Variants in GPR84 observed in about 807,000 individuals in gnomAD.
GPR84 encodes the protein G-protein coupled receptor 84.
A neutral mutation model predicts 14.9 loss-of-function variants in GPR84; 8 were observed. The ratio of observed to expected loss-of-function variants is 0.54; its 90% confidence interval spans 0.31 to 0.97. The LOEUF (loss-of-function observed/expected upper bound fraction) is 0.97, where lower values mean the gene tolerates loss of function less well. GPR84 is among the 50% of genes least tolerant of loss of function. GPR84 has a pLI of 0.04. For missense variants in GPR84, 424 were observed against 498.7 expected, an observed-to-expected ratio of 0.85 and a Z score of 1.43; for synonymous variants, 164 against 198.1, an observed-to-expected ratio of 0.83 and a Z score of 1.45.
intron 1 of GPR84, 178 bp downstream of exon 1, chr12:54,364,215 A>T (rs1472456019): frequency 5.5e-6 from 1 of 182,072 alleles, no homozygotes. Flanking sequence ...ATCCCCAAAG[A>T]CCCCCAGGAG....
Position 54,362,894 on chromosome 12 carries a change from T to C in GPR84, c.958A>G (p.Met320Val), listed in dbSNP as rs1486816137. The change falls in exon 2 of 2, where the codon ATG becomes GTG. Residue 320 changes from methionine (M) to valine (V), a missense_variant. Coordinates refer to ENST00000267015, the MANE Select transcript of GPR84 (RefSeq NM_020370.3). This position sits in a 1 kb window ranked among gnomAD's most constrained non-coding sequence, Gnocchi z 4.0. Reference sequence around the variant, plus strand: ...AAGCAGAGGAACACAGCAAAACACATTCGAGTCACCTTCCCAAATTCCGAT... The same window carrying C: ...AAGCAGAGGAACACAGCAAAACACACTCGAGTCACCTTCCCAAATTCCGAT... ...SSSEFGKVTR[M>V]CFAVFLCFAL... 4.3e-6 allele frequency: 7 copies of C among 1,614,060 alleles called. No homozygotes were observed. The African/African-American group carries it at 8.0e-5, about 18-fold the overall frequency.
chr12:54,358,753 A>T (rs149193372), downstream of GPR84, among the ~76,000 whole-genome samples: 222 of 151,668 alleles, frequency 1.5e-3, 1 homozygote, highest in African/African-American at 5.2e-3. Context: ...TCTTGGACAA[A>T]TTACCCAACC....
the GPR84 span, chr12:54,353,737 G>A: frequency 2.6e-5 from 4 of 152,340 alleles, no homozygotes; most frequent in Non-Finnish European, 4.4e-5. Context: ...ACCCATGGGA[G>A]AGTACATCAG....
Position 54,362,546 on chromosome 12 carries a change from G to C in GPR84, c.*115C>G, listed in dbSNP as rs889796023. The C allele has an allele frequency of 1.4e-6, 1 of 701,598 alleles. No homozygotes were observed. The highest frequency in any genetic ancestry group is 2.5e-6 in the Non-Finnish European group (1 of 394,464). 43.5% of individuals were successfully genotyped at this position (701,598 alleles called of 1,614,324 possible). On this transcript the variant is annotated 3_prime_UTR_variant, in exon 2 of 2. Coordinates refer to ENST00000267015, the MANE Select transcript of GPR84 (RefSeq NM_020370.3). This position sits in a 1 kb window ranked among gnomAD's most constrained non-coding sequence, Gnocchi z 4.0. ...ATGGAGAGACTTGATTTGGGAGGCT[G>C]GGGAGAGATTGTTGTGAAAATGCCC...
chr12:54,357,632 G>T (rs1954224053), downstream of GPR84, among the ~76,000 whole-genome samples: 1 of 152,210 alleles, frequency 6.6e-6, no homozygotes, highest in Non-Finnish European at 1.5e-5. Context: ...CCTAGGAGAT[G>T]CCCTGAGCCC....
Position 54,363,115 on chromosome 12 carries a change from G to A in GPR84, c.737C>T (p.Ala246Val). 1 of 1,614,188 alleles carries A rather than the reference G, an allele frequency of 6.2e-7. No homozygotes were observed. The highest frequency in any genetic ancestry group is 1.1e-5 in the South Asian group (1 of 91,086). The change falls in exon 2 of 2, where the codon GCA (alanine) becomes GTA (valine). Residue 246 changes from alanine (A) to valine (V), a missense_variant. Coordinates refer to ENST00000267015, the MANE Select transcript of GPR84 (RefSeq NM_020370.3). ...AATCCCCTCACTGGGTCCTCCTGAT[G>A]CTAACCTGCTGTCCAGCTCCTGGAA... is the stretch of plus-strand genomic sequence containing the variant. ...GRFQELDSRLASGGPSEGISS... is the reference protein window; with the variant it reads ...GRFQELDSRLVSGGPSEGISS...
chr12:54,357,899 C>CA (rs1954226046), downstream of GPR84, among the ~76,000 whole-genome samples: 1 of 152,192 alleles, frequency 6.6e-6, no homozygotes, highest in Non-Finnish European at 1.5e-5. Flanking sequence ...AGTTCCTCCC[C>CA]TATCTGCCTT....
chr12:54,350,731 C>A, the GPR84 span: 1 of 595,080 alleles, frequency 1.7e-6, no homozygotes. Context: ...GGGAGTAAAG[C>A]TCCCAGCATA....
At chr12:54,359,699 T>C (rs1037677404), downstream of GPR84, among the ~76,000 whole-genome samples, 4 of 151,968 alleles carry the variant, frequency 2.6e-5, no homozygotes, top group Non-Finnish European at 5.9e-5. Flanking sequence ...GAGACACGCA[T>C]GAGCAACGCA....
chr12:54,358,118 T>A (rs1181499775), downstream of GPR84, among the ~76,000 whole-genome samples: 3 of 152,092 alleles, frequency 2.0e-5, no homozygotes, highest in African/African-American at 7.2e-5. Flanking sequence ...GGACCCTTAT[T>A]TATCACCTTC....
At position 54,363,664 on chromosome 12, in the gene GPR84, G is replaced by T; in HGVS notation, c.188C>A (p.Thr63Lys). 2.5e-6 allele frequency: 4 copies of T among 1,614,062 alleles called. No homozygotes were observed. The highest frequency in any genetic ancestry group is 3.4e-6 in the Non-Finnish European group (4 of 1,179,934). ...TRFNLLIANL[T>K]LADLLYCTLL... ...CGTGCAGTAGAGGAGATCAGCCAGT[G>T]TGAGGTTGGCTATGAGCAGGTTGAA... is the stretch of plus-strand genomic sequence containing the variant. The change falls in exon 2 of 2, where the codon ACA becomes AAA. Residue 63 changes from threonine (T) to lysine (K), a missense_variant. Thr to Lys is a moderately conservative substitution (Grantham distance 78, BLOSUM62 -1). Coordinates refer to ENST00000267015, the MANE Select transcript of GPR84 (RefSeq NM_020370.3).
chr12:54,358,471 C>T (rs1193426722), downstream of GPR84, among the ~76,000 whole-genome samples: 2 of 151,826 alleles, frequency 1.3e-5, no homozygotes, highest in African/African-American at 4.8e-5. Context: ...TTCTCTGTCG[C>T]TCTCCCTCTC....
the GPR84 span, among the ~76,000 whole-genome samples, chr12:54,355,783 GGGCT>G: frequency 4.3e-4 from 65 of 152,330 alleles, no homozygotes; most frequent in Admixed American, 3.5e-3. Context: ...CCAGAGACCA[GGGCT>G]GAGGGCAATG....
In GPR84 at chr12:54,363,704, T is replaced by C. The variant is rs763934250; in HGVS notation, c.148A>G (p.Lys50Glu). The change falls in exon 2 of 2, where the codon AAG (lysine) becomes GAG (glutamate). Residue 50 changes from lysine to glutamate, a missense_variant. By Grantham distance (56) the Lys-to-Glu change is moderately conservative (BLOSUM62 1). Transcript: ENST00000267015. ...LTLLALAIQP[K>E]LRTRFNLLIA... ...AGCAGGTTGAATCGGGTACGGAGCT[T>C]GGGCTGGATGGCCAAGGCCAGTAGG... is the stretch of plus-strand genomic sequence containing the variant. 12 of 1,613,880 alleles carry C rather than the reference T, an allele frequency of 7.4e-6. No homozygotes were observed. The East Asian group carries it at 2.7e-4, about 36-fold the overall frequency.
rs1283153030 is a variant in GPR84, at chr12:54,364,456, C to A, written c.-72G>T. The A allele has an allele frequency of 2.0e-5, 3 of 152,266 alleles. No homozygotes were observed. The highest frequency in any genetic ancestry group is 7.2e-5 in the African/African-American group (3 of 41,442). 9.4% of individuals were successfully genotyped at this position (152,266 alleles called of 1,614,324 possible). A position where few individuals can be genotyped will look rare whatever the true frequency, so the allele number is the denominator to read the frequency against. On this transcript the variant is annotated 5_prime_UTR_variant, in exon 1 of 2. Transcript: ENST00000267015. The stretch of plus-strand genomic sequence containing the variant: ...AAGTTCAACTCACCCAAAGAGCAGT[C>A]CTTTCTGGTGGACAGTTAGGCTTCA...
At chr12:54,364,146 T>G in intron 1 of GPR84, 1 of 275,698 alleles carries the variant, frequency 3.6e-6, no homozygotes. Context: ...TCCTCTTCTA[T>G]ATCCATCCCG....
In GPR84 at chr12:54,363,058, T is replaced by A; in HGVS notation, c.794A>T (p.Gln265Leu). 1.2e-6 allele frequency: 2 copies of A among 1,614,222 alleles called. No individual in the cohort carries two copies. Among genetic ancestry groups the A allele is most frequent in the Non-Finnish European group, 1.7e-6 (2 of 1,180,038 alleles). The change falls in exon 2 of 2, where the codon CAG becomes CTG. Residue 265 changes from glutamine (Q) to leucine (L), a missense_variant. Physicochemically the swap from Gln to Leu is moderately radical, Grantham distance 113. Transcript: ENST00000267015. ...SSEPVSAATT[Q>L]TLEGDSSEVG... ...TTCTGATGAGTCCCCTTCCAGGGTC[T>A]GGGTGGTGGCAGCACTGACTGGCTC...
Position 54,362,819 on chromosome 12 carries a change from CTCTGGCATCCAGAATG to C in GPR84, c.1017_1032del (p.Asn339LysfsTer30). On this transcript the variant is annotated frameshift_variant, in exon 2 of 2. Transcript: ENST00000267015. LOFTEE classifies it high-confidence loss of function. The surrounding 1 kb of genome is among the most constrained non-coding windows in gnomAD (Gnocchi z 4.0). Reference sequence around the variant, plus strand: ...ATGTGGACCACCCGGGGAGCCTGGACTCTGGCATCCAGAATGTTGAGCAGCAAGAAGGGGATGTAGC... The same window carrying C: ...ATGTGGACCACCCGGGGAGCCTGGACTTGAGCAGCAAGAAGGGGATGTAGC... 1 of 1,614,222 alleles carries C rather than the reference CTCTGGCATCCAGAATG, an allele frequency of 6.2e-7. No individual in the cohort carries two copies. The highest frequency in any genetic ancestry group is 8.5e-7 in the Non-Finnish European group (1 of 1,180,038).
chr12:54,360,276 T>G (rs576537679), downstream of GPR84, among the ~76,000 whole-genome samples: 189 of 152,242 alleles, frequency 1.2e-3, no homozygotes, highest in African/African-American at 3.8e-3. Flanking sequence ...AGAAAGAAAT[T>G]ATAATAGATA....
Sources: gnomAD v4.1 joint callset for allele counts (sites outside exome capture counted in the v4.1 genomes callset) on GRCh38, gnomAD v4.1.1 for gene constraint, Gnocchi (gnomAD v3.1) non-coding constraint, MANE v1.5 for transcripts, NCBI Gene and HGNC (gene_info 2026-07-23, HGNC 2026-07-21) for gene names.